The following EYA1 variants were observed in gnomAD, a reference collection of about 807,000 sequenced individuals.
EYA1 encodes the protein protein phosphatase EYA1.
Under a neutral mutation model 82.0 loss-of-function variants are expected in EYA1, and 16 were observed. The ratio of observed to expected loss-of-function variants is 0.20; its 90% confidence interval spans 0.13 to 0.30. The LOEUF (loss-of-function observed/expected upper bound fraction) is 0.30. EYA1 is among the 10% of genes least tolerant of loss of function. EYA1 has a pLI of 1.00. For missense variants in EYA1, 633 were observed against 730.7 expected, an observed-to-expected ratio of 0.87 and a Z score of 1.54; for synonymous variants, 261 against 264.4, an observed-to-expected ratio of 0.99 and a Z score of 0.12.
At chr8:71,332,901 C>G (rs1824052827) in intron 4 of EYA1, among the ~76,000 whole-genome samples, 1 of 152,172 alleles carries the variant, frequency 6.6e-6, no homozygotes. Context: ...TCCAGCATCT[C>G]TCTCTCAGTG....
At chr8:71,300,796 C>T (rs1345149184) in intron 7 of EYA1, among the ~76,000 whole-genome samples, 2 of 151,964 alleles carry the variant, frequency 1.3e-5, no homozygotes, top group Non-Finnish European at 2.9e-5. Flanking sequence ...TGTTTAATGG[C>T]ATGAGAAAAA....
chr8:71,384,167 T>A lies in EYA1; in HGVS notation c.34-27656A>T, dbSNP rs531819591. Among the ~76,000 whole-genome samples, 13 of 152,326 alleles carry A rather than the reference T, an allele frequency of 8.5e-5. No individual in the cohort carries two copies. In the East Asian group the frequency reaches 2.3e-3, roughly 27 times the overall value. ...AGTTTAGACCTCTGATGATACACTATCTGATAAGGTAATTGGTTGTTTTCA... is the reference window on the plus strand; with the variant it reads ...AGTTTAGACCTCTGATGATACACTAACTGATAAGGTAATTGGTTGTTTTCA... On this transcript the variant is annotated intron_variant, in intron 2 of 18. Transcript: ENST00000643681.
At chr8:71,426,724 AT>A (rs1002299293) in intron 2 of EYA1, among the ~76,000 whole-genome samples, 2 of 152,196 alleles carry the variant, frequency 1.3e-5, no homozygotes, top group Non-Finnish European at 1.5e-5. Flanking sequence ...ATGACTTACA[AT>A]TTTGCTTTAT....
chr8:71,206,164 TTC>T (rs1198237521), intron 17 of EYA1, among the ~76,000 whole-genome samples: 1 of 152,172 alleles, frequency 6.6e-6, no homozygotes, highest in African/African-American at 2.4e-5. Context: ...ACCATGTAAA[TTC>T]TTTTTTGTAA....
At chr8:71,281,081 A>T (rs1279996237) in intron 9 of EYA1, among the ~76,000 whole-genome samples, 1 of 152,158 alleles carries the variant, frequency 6.6e-6, no homozygotes, top group African/African-American at 2.4e-5. Context: ...AAAGGTCTCT[A>T]TATAATAGTT....
At chr8:71,456,247 A>G (rs1304079119) in intron 2 of EYA1, among the ~76,000 whole-genome samples, 20 of 152,100 alleles carry the variant, frequency 1.3e-4, no homozygotes, top group Non-Finnish European at 2.2e-4. Context: ...ACTGCTCAAC[A>G]AAATAAAAGA....
chr8:71,437,856 T>C (rs1038912431), intron 2 of EYA1, among the ~76,000 whole-genome samples: 3 of 151,592 alleles, frequency 2.0e-5, no homozygotes, highest in African/African-American at 7.3e-5. Context: ...AGACAAGCAG[T>C]TGGAAAAACA....
chr8:71,380,206 TAAC>T (rs1828618344), intron 2 of EYA1, among the ~76,000 whole-genome samples: 1 of 152,262 alleles, frequency 6.6e-6, no homozygotes, highest in Non-Finnish European at 1.5e-5. Flanking sequence ...ATGTGATCTA[TAAC>T]ATTTATGTAT....
rs1280313593 is a variant in EYA1, at chr8:71,439,476, G to A, written c.34-82965C>T. 1.3e-5 allele frequency among the ~76,000 whole-genome samples: 2 copies of A among 152,172 alleles called. 1 individual carries two copies. The highest frequency in any genetic ancestry group is 3.9e-4 in the East Asian group (2 of 5,180). On this transcript the variant is annotated intron_variant, in intron 2 of 18. Coordinates refer to the EYA1 transcript ENST00000643681. ...TGTTGTGCAACCAGCTGGTGTCCCA[G>A]GAAGCACCCTAAGAACTGTTAAATG...
intron 9 of EYA1, among the ~76,000 whole-genome samples, chr8:71,285,499 C>A (rs1421594604): frequency 6.6e-6 from 1 of 152,110 alleles, no homozygotes. Context: ...GAGATTTTAC[C>A]ATGGGCAGCA....
chr8:71,539,718 A>C (rs1053240906), intron 1 of EYA1, among the ~76,000 whole-genome samples: 1 of 152,122 alleles, frequency 6.6e-6, no homozygotes, highest in Non-Finnish European at 1.5e-5. Flanking sequence ...ATGAAAAGCT[A>C]ATTTTGTTAG....
intron 2 of EYA1, among the ~76,000 whole-genome samples, chr8:71,428,900 A>AC (rs5892278): frequency 0.72 from 110,026 of 151,998 alleles, 41,099 homozygotes; most frequent in African/African-American, 0.83. Flanking sequence ...CCTTTTCCAT[A>AC]TTCCTAGGGG....
intron 2 of EYA1, among the ~76,000 whole-genome samples, chr8:71,394,368 T>C (rs1445998134): frequency 6.6e-6 from 1 of 152,200 alleles, no homozygotes; most frequent in Non-Finnish European, 1.5e-5. Context: ...CCCTTGCCCA[T>C]GCCTATGTCC....
At chr8:71,537,675 T>G (rs892514653) in intron 1 of EYA1, among the ~76,000 whole-genome samples, 6 of 152,282 alleles carry the variant, frequency 3.9e-5, no homozygotes, top group African/African-American at 1.4e-4. Flanking sequence ...CCCCTCTGAT[T>G]TCCCATAAAT....
chr8:71,234,756 C>T (rs901563506), intron 12 of EYA1, among the ~76,000 whole-genome samples: 4 of 151,954 alleles, frequency 2.6e-5, no homozygotes, highest in Non-Finnish European at 4.4e-5. Flanking sequence ...TTTATGGCGT[C>T]GGGACTCCCA....
chr8:71,475,467 T>C (rs1809587029), intron 2 of EYA1, among the ~76,000 whole-genome samples: 1 of 152,192 alleles, frequency 6.6e-6, no homozygotes, highest in Non-Finnish European at 1.5e-5. Context: ...AAATTTTAAC[T>C]AGGCAAATTC....
chr8:71,438,616 G>C (rs557064881), intron 2 of EYA1, among the ~76,000 whole-genome samples: 29 of 152,278 alleles, frequency 1.9e-4, no homozygotes, highest in African/African-American at 7.0e-4. Context: ...CCTTCATGAA[G>C]CATGTGAGGG....
At chr8:71,489,673 TGTG>T (rs1204493769) in intron 2 of EYA1, among the ~76,000 whole-genome samples, 1 of 152,256 alleles carries the variant, frequency 6.6e-6, no homozygotes, top group Non-Finnish European at 1.5e-5. Context: ...TTTCAGAACA[TGTG>T]GTACAGAACA....
intron 9 of EYA1, among the ~76,000 whole-genome samples, chr8:71,287,400 G>A (rs1027180393): frequency 8.5e-5 from 13 of 152,126 alleles, no homozygotes; most frequent in Non-Finnish European, 1.0e-4. Flanking sequence ...TTCTCTACCT[G>A]TATTCCATAG....
Sources: gnomAD v4.1 joint callset for allele counts (sites outside exome capture counted in the v4.1 genomes callset) on GRCh38, gnomAD v4.1.1 for gene constraint, MANE v1.5 for transcripts, NCBI Gene and HGNC (gene_info 2026-07-23, HGNC 2026-07-21) for gene names.